AGAP1: variants seen among roughly 807,000 people sequenced by gnomAD.
AGAP1 encodes the protein ArfGAP with GTPase domain, ankyrin repeat and PH domain 1.
A neutral mutation model predicts 105.3 loss-of-function variants in AGAP1; 29 were observed. The observed-to-expected ratio is 0.28, with a 90% CI of 0.21 to 0.38. The LOEUF (loss-of-function observed/expected upper bound fraction) is 0.38, where lower values mean the gene tolerates loss of function less well. Ranked by LOEUF, AGAP1 falls within the 10% of genes least tolerant of loss-of-function variation. AGAP1 has a pLI of 1.00. For missense variants in AGAP1, 998 were observed against 1,165.1 expected, an observed-to-expected ratio of 0.86 and a Z score of 2.09; for synonymous variants, 509 against 485.9, an observed-to-expected ratio of 1.05 and a Z score of -0.63.
intron 1 of AGAP1, among the ~76,000 whole-genome samples, chr2:235,510,455 T>C (rs1471163667): frequency 6.6e-6 from 1 of 152,216 alleles, no homozygotes; most frequent in African/African-American, 2.4e-5. Flanking sequence ...GGATGGATAT[T>C]GATGGAGTTG....
chr2:236,053,439 C>T lies in AGAP1; in HGVS notation c.2114+4158C>T, dbSNP rs1485950085. Among the ~76,000 whole-genome samples the T allele has an allele frequency of 1.3e-5, 2 of 152,216 alleles. No individual in the cohort carries two copies. Among genetic ancestry groups the T allele is most frequent in the Non-Finnish European group, 2.9e-5 (2 of 68,042 alleles). ...CCGTCCACGCACATCCTCTCTCCCT[C>T]GCGGTACAGCAGTGTTTCCGGGGCT... On this transcript the variant is annotated intron_variant, in intron 16 of 17. Coordinates refer to ENST00000304032, the MANE Select transcript of AGAP1 (RefSeq NM_001037131.3). The surrounding 1 kb of genome is among the most constrained non-coding windows in gnomAD (Gnocchi z 4.6).
chr2:235,494,905 G>A (rs1559199776), intron 1 of AGAP1, 56 bp downstream of exon 1: 3 of 1,498,340 alleles, frequency 2.0e-6, no homozygotes, highest in East Asian at 5.7e-5. Context: ...GCGGCGCGGC[G>A]GGGGTGTGCG....
At chr2:235,629,390 G>A (rs1286368269) in intron 1 of AGAP1, among the ~76,000 whole-genome samples, 1 of 151,662 alleles carries the variant, frequency 6.6e-6, no homozygotes, top group African/African-American at 2.4e-5. Context: ...AGATGCAACA[G>A]GATCAGACTT....
rs539226680 is a variant in AGAP1, at chr2:235,930,382, C to T, written c.1325-383C>T. Among the ~76,000 whole-genome samples the T allele has an allele frequency of 3.9e-5, 6 of 152,196 alleles. No individual in the cohort carries two copies. Among genetic ancestry groups the T allele is most frequent in the Non-Finnish European group, 7.3e-5 (5 of 68,040 alleles). On this transcript the variant is annotated intron_variant, in intron 11 of 17. Coordinates refer to ENST00000304032, the MANE Select transcript of AGAP1 (RefSeq NM_001037131.3). This position sits in a 1 kb window ranked among gnomAD's most constrained non-coding sequence, Gnocchi z 7.9. ...CTGTTCCATTGGTAGGGTGACATGG[C>T]CGGGCTCCTGGAGCCCCCATCTTGC...
rs576869871 is a variant in AGAP1 at position 235,733,401 on chromosome 2, A to G, written c.311-7562A>G. 2.0e-5 allele frequency among the ~76,000 whole-genome samples: 3 copies of G among 152,320 alleles called. No individual in the cohort carries two copies. Among genetic ancestry groups the G allele is most frequent in the African/African-American group, 7.2e-5 (3 of 41,572 alleles). Reference sequence around the variant, plus strand: ...GTTGGCTCAGGTTGTAGGAGAGATGAGGAGCCTCCGCCCAGCTCAAATCTT... The same window carrying G: ...GTTGGCTCAGGTTGTAGGAGAGATGGGGAGCCTCCGCCCAGCTCAAATCTT... On this transcript the variant is annotated intron_variant, in intron 3 of 17. Transcript: ENST00000304032. The surrounding 1 kb of genome is among the most constrained non-coding windows in gnomAD (Gnocchi z 5.0).
chr2:235,987,144 T>TATTTGC (rs2055349753), intron 13 of AGAP1, among the ~76,000 whole-genome samples: 3 of 151,802 alleles, frequency 2.0e-5, no homozygotes, highest in Non-Finnish European at 4.4e-5. Context: ...TATTTATTGG[T>TATTTGC]TGGTAGGCTA....
At chr2:235,667,738 A>G (rs190422197) in intron 1 of AGAP1, among the ~76,000 whole-genome samples, 2 of 152,220 alleles carry the variant, frequency 1.3e-5, no homozygotes, top group African/African-American at 4.8e-5. Context: ...AGGTGGGCAG[A>G]TCATGAGGTC....
At chr2:236,033,353 A>G (rs745685072) in intron 13 of AGAP1, among the ~76,000 whole-genome samples, 5 of 152,228 alleles carry the variant, frequency 3.3e-5, no homozygotes, top group Non-Finnish European at 2.9e-5. Context: ...GAACACTTAC[A>G]TGTATTTGTT....
chr2:235,727,328 G>A (rs528482644), intron 3 of AGAP1, among the ~76,000 whole-genome samples: 1 of 151,964 alleles, frequency 6.6e-6, no homozygotes, highest in East Asian at 1.9e-4. Context: ...AAACATTTTA[G>A]CCAGGGTGGG....
intron 1 of AGAP1, among the ~76,000 whole-genome samples, chr2:235,580,219 GATTTGCTTGAGTTGCCATTTTC>G (rs1944883974): frequency 1.3e-5 from 2 of 152,122 alleles, no homozygotes; most frequent in South Asian, 4.1e-4. Flanking sequence ...CGTGTACAGG[GATTTGCTTGAGTTGCCATTTTC>G]ACCTCTTTGG....
rs1386560627 is a variant in AGAP1, at chr2:235,872,832, C to T, written c.1051-10513C>T. On this transcript the variant is annotated intron_variant, in intron 9 of 17. Coordinates refer to ENST00000304032, the MANE Select transcript of AGAP1 (RefSeq NM_001037131.3). The surrounding 1 kb of genome is among the most constrained non-coding windows in gnomAD (Gnocchi z 4.5). ...GGGATGCTGAGTGTGTTCAGAGGGG[C>T]GTCCCATGGTCGAACTGGAACTTGC... 8.5e-5 allele frequency among the ~76,000 whole-genome samples: 13 copies of T among 152,176 alleles called. No homozygotes were observed. The highest frequency in any genetic ancestry group is 7.3e-5 in the Non-Finnish European group (5 of 68,032).
chr2:235,938,032 C>T (rs1350087557), intron 12 of AGAP1, among the ~76,000 whole-genome samples: 1 of 152,244 alleles, frequency 6.6e-6, no homozygotes, highest in Non-Finnish European at 1.5e-5. Flanking sequence ...CTGCAGCCAA[C>T]CCAGAGCAGT....
chr2:235,518,435 C>G (rs1424699519), intron 1 of AGAP1, among the ~76,000 whole-genome samples: 1 of 152,166 alleles, frequency 6.6e-6, no homozygotes, highest in Non-Finnish European at 1.5e-5. Context: ...CAAATTGCCT[C>G]TTCTGAGACT....
In AGAP1 at chr2:235,891,906, C is replaced by G. The variant is rs1308842622; in HGVS notation, c.1155+8457C>G. Among the ~76,000 whole-genome samples, 1 of 152,186 alleles carries G rather than the reference C, an allele frequency of 6.6e-6. No homozygotes were observed. Among genetic ancestry groups the G allele is most frequent in the Non-Finnish European group, 1.5e-5 (1 of 68,030 alleles). On this transcript the variant is annotated intron_variant, in intron 10 of 17. Transcript: ENST00000304032. The surrounding 1 kb of genome is among the most constrained non-coding windows in gnomAD (Gnocchi z 4.2). ...TGGTGGCTCACACCTGTAATCCCAG[C>G]ACTTTGGGAGGCTGAGGTGGATGGA...
Position 235,569,664 on chromosome 2 carries a change from CCT to C in AGAP1, c.163+74816_163+74817del. The stretch of plus-strand genomic sequence containing the variant: ...CCAGGTAGGGTGTGTTCACTGTGCC[CCT>C]GTGTGAGGGTTTGTAGTCTTACACC... On this transcript the variant is annotated intron_variant, in intron 1 of 17. Coordinates refer to ENST00000304032, the MANE Select transcript of AGAP1 (RefSeq NM_001037131.3). The surrounding 1 kb of genome is among the most constrained non-coding windows in gnomAD (Gnocchi z 5.9). Among the ~76,000 whole-genome samples the C allele has an allele frequency of 6.6e-6, 1 of 152,268 alleles. No homozygotes were observed. Among genetic ancestry groups the C allele is most frequent in the South Asian group, 2.1e-4 (1 of 4,824 alleles).
In AGAP1 at chr2:235,971,784, T is replaced by TATTTATTGATTG. The variant is rs2054659316; in HGVS notation, c.1645+3164_1645+3165insTATTGATTGATT. Among the ~76,000 whole-genome samples the TATTTATTGATTG allele has an allele frequency of 6.7e-6, 1 of 148,150 alleles. No individual in the cohort carries two copies. The highest frequency in any genetic ancestry group is 2.5e-5 in the African/African-American group (1 of 40,182). ...TTATTTATTTATTTATTTATTTATT[T>TATTTATTGATTG]ATTGTATTTTTTGAGACAGGTCCTC... On this transcript the variant is annotated intron_variant, in intron 13 of 17. Coordinates refer to ENST00000304032, the MANE Select transcript of AGAP1 (RefSeq NM_001037131.3). The surrounding 1 kb of genome is among the most constrained non-coding windows in gnomAD (Gnocchi z 4.8).
intron 16 of AGAP1, among the ~76,000 whole-genome samples, chr2:236,069,202 A>G (rs1478170506): frequency 1.3e-5 from 2 of 152,212 alleles, no homozygotes; most frequent in Non-Finnish European, 2.9e-5. Context: ...TTACTTTAGT[A>G]TGCAAGTAAT....
intron 6 of AGAP1, among the ~76,000 whole-genome samples, chr2:235,794,396 A>G (rs1423753618): frequency 6.6e-6 from 1 of 152,198 alleles, no homozygotes; most frequent in Non-Finnish European, 1.5e-5. Context: ...AGCTCATGTG[A>G]CAGAGTCATA....
chr2:235,694,821 A>T (rs533196622), intron 1 of AGAP1, among the ~76,000 whole-genome samples: 1 of 152,192 alleles, frequency 6.6e-6, no homozygotes, highest in South Asian at 2.1e-4. Flanking sequence ...GTTATGGGTG[A>T]TTAGGAAGCA....
Sources: gnomAD v4.1 joint callset for allele counts (sites outside exome capture counted in the v4.1 genomes callset) on GRCh38, gnomAD v4.1.1 for gene constraint, Gnocchi (gnomAD v3.1) non-coding constraint, MANE v1.5 for transcripts, NCBI Gene and HGNC (gene_info 2026-07-23, HGNC 2026-07-21) for gene names.